Variants in MAGI3 observed in about 807,000 individuals in gnomAD.
MAGI3 encodes membrane-associated guanylate kinase, WW and PDZ domain-containing protein 3.
A neutral mutation model predicts 121.8 loss-of-function variants in MAGI3; 43 were observed. The observed-to-expected ratio is 0.35, with a 90% CI of 0.28 to 0.46. The LOEUF is 0.46. Among genes scored for constraint, MAGI3 ranks in the 20% least tolerant of loss-of-function variants. The pLI, the probability that MAGI3 is intolerant of heterozygous loss-of-function variation, is 1.00. For missense variants in MAGI3, 1,547 were observed against 1,797.3 expected (o/e 0.86, Z 2.52); for synonymous variants, 553 against 639.3 (o/e 0.86, Z 2.04).
chr1:113,512,522 G>C (rs534704160), intron 1 of MAGI3, among the ~76,000 whole-genome samples: 2 of 152,096 alleles, frequency 1.3e-5, no homozygotes, highest in Non-Finnish European at 2.9e-5. Flanking sequence ...ATATGTTTTT[G>C]GGCATAAATT....
At chr1:113,550,267 A>AAT (rs963135290) in intron 2 of MAGI3, among the ~76,000 whole-genome samples, 1 of 149,638 alleles carries the variant, frequency 6.7e-6, no homozygotes, top group African/African-American at 2.5e-5. Flanking sequence ...AAAAAAAAAA[A>AAT]TTAGCCGGGT....
chr1:113,643,221 A>C (rs1652647855), intron 10 of MAGI3, among the ~76,000 whole-genome samples: 1 of 152,256 alleles, frequency 6.6e-6, no homozygotes, highest in South Asian at 2.1e-4. Context: ...CTAGTATCTT[A>C]AAGAATAAAA....
At chr1:113,457,214 G>A (rs1328802699) in intron 1 of MAGI3, among the ~76,000 whole-genome samples, 1 of 152,126 alleles carries the variant, frequency 6.6e-6, no homozygotes, top group East Asian at 1.9e-4. Context: ...CTTTTTTTCA[G>A]TGGAATTAAA....
chr1:113,544,650 AT>A (rs1055806567), intron 1 of MAGI3, among the ~76,000 whole-genome samples: 8 of 152,180 alleles, frequency 5.3e-5, no homozygotes, highest in Non-Finnish European at 8.8e-5. Flanking sequence ...ACATTTAAGA[AT>A]TTTCTCTTCA....
intron 1 of MAGI3, among the ~76,000 whole-genome samples, chr1:113,544,888 C>T (rs1257447985): frequency 6.6e-6 from 1 of 151,732 alleles, no homozygotes; most frequent in East Asian, 1.9e-4. Context: ...AAACAAACAA[C>T]CTGAAACAGA....
At chr1:113,477,094 T>A (rs985976775) in intron 1 of MAGI3, among the ~76,000 whole-genome samples, 1 of 151,944 alleles carries the variant, frequency 6.6e-6, no homozygotes, top group African/African-American at 2.4e-5. Context: ...TCTTCCTCCA[T>A]CCCTTTATTT....
chr1:113,549,416 A>G (rs1376231907), intron 1 of MAGI3, 99 bp from the exon 2 acceptor site: 1 of 586,666 alleles, frequency 1.7e-6, no homozygotes, highest in Non-Finnish European at 3.0e-6. Flanking sequence ...GTTTATAGCT[A>G]ACTGGTTTAA....
In MAGI3 at chr1:113,414,801, G is replaced by A. The variant is rs563872505; in HGVS notation, c.316+23452G>A. 9.5e-4 allele frequency among the ~76,000 whole-genome samples: 144 copies of A among 151,948 alleles called. 1 individual carries two copies. The highest frequency in any genetic ancestry group is 3.3e-3 in the African/African-American group (137 of 41,480). On this transcript the variant is annotated intron_variant, in intron 1 of 20. Transcript: ENST00000307546. The stretch of plus-strand genomic sequence containing the variant: ...ATAAAATAGTTACATTTACTACTTA[G>A]TATTAATAATAAAACTGTTTGGTGG...
At chr1:113,539,606 A>G (rs533535915) in intron 1 of MAGI3, among the ~76,000 whole-genome samples, 1 of 152,010 alleles carries the variant, frequency 6.6e-6, no homozygotes, top group Non-Finnish European at 1.5e-5. Flanking sequence ...GGTTAGTTAC[A>G]TATGTATACA....
intron 20 of MAGI3, chr1:113,682,138 G>C: frequency 6.7e-7 from 1 of 1,493,558 alleles, no homozygotes; most frequent in South Asian, 1.3e-5. Flanking sequence ...TGTTCCCAGT[G>C]ACATCTTTGC....
intron 1 of MAGI3, among the ~76,000 whole-genome samples, chr1:113,436,811 CTTT>C (rs1026496354): frequency 8.1e-6 from 1 of 124,122 alleles, no homozygotes; most frequent in Admixed American, 8.2e-5. Flanking sequence ...TAAAGACAGT[CTTT>C]TTTTTTTTTT....
intron 1 of MAGI3, among the ~76,000 whole-genome samples, chr1:113,542,957 C>T (rs983281159): frequency 6.6e-5 from 10 of 152,034 alleles, no homozygotes; most frequent in African/African-American, 2.2e-4. Context: ...TAGCTTCTTA[C>T]CTATAAAATG....
intron 1 of MAGI3, among the ~76,000 whole-genome samples, chr1:113,485,411 G>T (rs1341597906): frequency 6.6e-6 from 1 of 152,168 alleles, no homozygotes; most frequent in African/African-American, 2.4e-5. Flanking sequence ...GATGCTTAGT[G>T]ATGTTGAACA....
intron 9 of MAGI3, among the ~76,000 whole-genome samples, chr1:113,629,382 A>G (rs184623148): frequency 1.3e-5 from 2 of 152,112 alleles, no homozygotes; most frequent in African/African-American, 2.4e-5. Flanking sequence ...TTAATTTTCT[A>G]TCTGAAAGGT....
chr1:113,517,117 G>A (rs1296530876), intron 1 of MAGI3, among the ~76,000 whole-genome samples: 1 of 151,294 alleles, frequency 6.6e-6, no homozygotes, highest in African/African-American at 2.4e-5. Flanking sequence ...TCCTGGAAAA[G>A]GGGAAAAAAA....
chr1:113,582,615 T>G (rs1490026527), intron 3 of MAGI3, among the ~76,000 whole-genome samples: 2 of 152,086 alleles, frequency 1.3e-5, no homozygotes, highest in South Asian at 2.1e-4. Flanking sequence ...TGTGAAGCTT[T>G]TATGAAAACA....
intron 18 of MAGI3, 104 bp from the exon 19 acceptor site, chr1:113,673,218 T>C (rs1647668883): frequency 2.3e-6 from 3 of 1,318,358 alleles, no homozygotes; most frequent in Non-Finnish European, 3.2e-6. Flanking sequence ...GAAATGCACA[T>C]TGAGAGTATA....
Position 113,580,678 on chromosome 1 carries a change from C to A in MAGI3, c.553+17C>A, listed in dbSNP as rs771427050. 6.3e-7 allele frequency: 1 copy of A among 1,584,144 alleles called. No individual in the cohort carries two copies. Among genetic ancestry groups the A allele is most frequent in the South Asian group, 1.2e-5 (1 of 85,388 alleles). ...CATATGATGGTATGTCCCCAAATAACATCACTACCACCCAAAAAACTATCT... is the reference window on the plus strand; with the variant it reads ...CATATGATGGTATGTCCCCAAATAAAATCACTACCACCCAAAAAACTATCT... On this transcript the variant is annotated intron_variant, in intron 3 of 20. Transcript: ENST00000307546.
At chr1:113,411,941 G>A (rs1259199727) in intron 1 of MAGI3, among the ~76,000 whole-genome samples, 1 of 151,870 alleles carries the variant, frequency 6.6e-6, no homozygotes. Flanking sequence ...TTGATATATA[G>A]GTATAAATGT....
Sources: allele counts gnomAD v4.1 joint callset (sites outside exome capture counted in the v4.1 genomes callset), GRCh38; gene constraint gnomAD v4.1.1; transcripts MANE v1.5; gene names NCBI Gene and HGNC (gene_info 2026-07-23, HGNC 2026-07-21).